Variants in ZNF423 observed in about 807,000 individuals in gnomAD.
ZNF423 encodes zinc finger protein 423, also known as Ebf-associated zinc finger protein.
A neutral mutation model predicts 95.8 loss-of-function variants in ZNF423; 12 were observed. That is an observed-to-expected ratio of 0.13 (90% CI 0.08 to 0.20). The LOEUF (loss-of-function observed/expected upper bound fraction) is 0.20, where lower values mean the gene tolerates loss of function less well. Ranked by LOEUF, ZNF423 falls within the 10% of genes least tolerant of loss-of-function variation. The pLI is 1.00. For synonymous variants in ZNF423, 749 were observed against 711.9 expected (o/e 1.05, Z -0.83); for missense variants, 1,316 against 1,737.1 (o/e 0.76, Z 4.31).
chr16:49,811,405 G>A (rs2034750671), intron 1 of ZNF423, among the ~76,000 whole-genome samples: 1 of 152,098 alleles, frequency 6.6e-6, no homozygotes, highest in Non-Finnish European at 1.5e-5. Context: ...GGGGGTGGAG[G>A]AGACAATGGC....
intron 7 of ZNF423, 113 bp downstream of exon 7, chr16:49,523,511 G>T: frequency 2.4e-6 from 2 of 846,902 alleles, no homozygotes; most frequent in Non-Finnish European, 1.9e-6. Context: ...GCCCCTGATT[G>T]CAGACCTGCC....
intron 2 of ZNF423, among the ~76,000 whole-genome samples, chr16:49,785,245 T>G (rs1322203180): frequency 6.6e-6 from 1 of 151,936 alleles, no homozygotes; most frequent in African/African-American, 2.4e-5. Flanking sequence ...CCCAGGGCTA[T>G]TTTGTTTTTA....
At chr16:49,678,043 C>T (rs2031192882) in intron 3 of ZNF423, among the ~76,000 whole-genome samples, 1 of 151,872 alleles carries the variant, frequency 6.6e-6, no homozygotes, top group South Asian at 2.1e-4. Flanking sequence ...ATTAGCTGGG[C>T]GTGGTGATGG....
intron 5 of ZNF423, among the ~76,000 whole-genome samples, chr16:49,574,078 G>A (rs1970427331): frequency 6.6e-6 from 1 of 152,200 alleles, no homozygotes; most frequent in Non-Finnish European, 1.5e-5. Context: ...ATCAGCTGGA[G>A]AGTCTTTTAA....
rs1246414034 is a variant in ZNF423, at chr16:49,731,298, C to T, written c.101-327G>A. On this transcript the variant is annotated intron_variant, in intron 2 of 7. Transcript: ENST00000563137. ...CTAAAAACCAGATTCAGTTACACACCTTTTTAAAGCCTCCATCAGCTGTTC... is the reference window on the plus strand; with the variant it reads ...CTAAAAACCAGATTCAGTTACACACTTTTTTAAAGCCTCCATCAGCTGTTC... 4 of 985,012 alleles carry T rather than the reference C, an allele frequency of 4.1e-6. No homozygotes were observed. The East Asian group carries it at 4.5e-4, about 112-fold the overall frequency. The allele number at this position is 985,012 out of a possible 1,614,324, so 61.0% of individuals were successfully genotyped here.
In ZNF423 at chr16:49,845,035, C is replaced by CAA. The variant is rs71138011; in HGVS notation, c.40+10698_40+10699dup. On this transcript the variant is annotated intron_variant, in intron 1 of 7. Transcript: ENST00000563137. ...GGGCATCAAGAGCGAAACTCCATCT[C>CAA]AAAAAAAAAAAAAAAAAAAAAAAAA... 1.8e-3 allele frequency among the ~76,000 whole-genome samples: 114 copies of CAA among 63,514 alleles called. 16 individuals are homozygous for CAA. Among genetic ancestry groups the CAA allele is most frequent in the African/African-American group, 6.2e-3 (78 of 12,616 alleles). 41.7% of individuals were successfully genotyped at this position (63,514 alleles called of 152,430 possible). A position where few individuals can be genotyped will look rare whatever the true frequency, so the allele number is the denominator to read the frequency against.
At position 49,854,169 on chromosome 16, in the gene ZNF423, T is replaced by C. The variant is rs574242817; in HGVS notation, c.40+1566A>G. ...AACACCCTCTGAACCCCCAGTTCTG[T>C]GGAGCAGGCCAGGCTGTCCCGGATT... On this transcript the variant is annotated intron_variant, in intron 1 of 7. Coordinates refer to ENST00000563137, the MANE Select transcript of ZNF423 (RefSeq NM_001379286.1). The C allele has an allele frequency of 2.4e-5, 24 of 985,330 alleles. No homozygotes were observed. In the African/African-American group the frequency reaches 3.7e-4, roughly 15 times the overall value. The allele number at this position is 985,330 out of a possible 1,614,324, so 61.0% of individuals were successfully genotyped here.
At chr16:49,745,592 T>A (rs58541469) in intron 2 of ZNF423, among the ~76,000 whole-genome samples, 1 of 152,202 alleles carries the variant, frequency 6.6e-6, no homozygotes, top group East Asian at 1.9e-4. Context: ...TGTGAAGACA[T>A]TTTTGAGGCG....
intron 1 of ZNF423, among the ~76,000 whole-genome samples, chr16:49,845,397 G>A (rs973178133): frequency 3.3e-5 from 5 of 151,478 alleles, no homozygotes; most frequent in East Asian, 1.9e-4. Flanking sequence ...GAGCCACTGC[G>A]CCCAGCAATT....
At chr16:49,502,042 G>A (rs956345353) in intron 7 of ZNF423, among the ~76,000 whole-genome samples, 2 of 152,138 alleles carry the variant, frequency 1.3e-5, no homozygotes, top group Non-Finnish European at 2.9e-5. Flanking sequence ...AAAAGTTGGG[G>A]GAAAACGGAA....
intron 5 of ZNF423, among the ~76,000 whole-genome samples, chr16:49,594,012 G>C (rs1384498249): frequency 1.3e-5 from 2 of 152,052 alleles, no homozygotes; most frequent in African/African-American, 4.8e-5. Context: ...TAGATTACTG[G>C]GGATGGACCA....
chr16:49,689,673 C>T (rs1415326633), intron 3 of ZNF423, among the ~76,000 whole-genome samples: 1 of 152,126 alleles, frequency 6.6e-6, no homozygotes, highest in Non-Finnish European at 1.5e-5. Flanking sequence ...CAAGCAATCC[C>T]GTGTGGCACC....
chr16:49,756,592 C>T (rs2033731261), intron 2 of ZNF423, among the ~76,000 whole-genome samples: 1 of 152,274 alleles, frequency 6.6e-6, no homozygotes, highest in East Asian at 1.9e-4. Context: ...ATGCGTGTCT[C>T]GAAAGGTCCC....
At chr16:49,652,720 C>T (rs1973455944) in intron 3 of ZNF423, among the ~76,000 whole-genome samples, 1 of 152,158 alleles carries the variant, frequency 6.6e-6, no homozygotes, top group African/African-American at 2.4e-5. Flanking sequence ...TTCTTGACTC[C>T]CTTTGGAGAT....
At chr16:49,543,171 C>G (rs1028573568) in intron 5 of ZNF423, among the ~76,000 whole-genome samples, 1 of 152,182 alleles carries the variant, frequency 6.6e-6, no homozygotes, top group African/African-American at 2.4e-5. Flanking sequence ...AAATCACCCC[C>G]TCAGCTGATA....
intron 7 of ZNF423, among the ~76,000 whole-genome samples, chr16:49,516,339 G>A (rs1008024653): frequency 5.9e-5 from 9 of 152,238 alleles, no homozygotes; most frequent in African/African-American, 2.2e-4. Context: ...AAACTCCAAG[G>A]AGAGGGAATC....
chr16:49,674,352 C>T (rs1405116639), intron 3 of ZNF423, among the ~76,000 whole-genome samples: 2 of 152,150 alleles, frequency 1.3e-5, no homozygotes, highest in African/African-American at 4.8e-5. Flanking sequence ...GCAGAGCACG[C>T]AGTGTGTTCT....
In ZNF423 at chr16:49,639,935, G is replaced by A. The variant is rs76839839; in HGVS notation, c.302-1061C>T. On this transcript the variant is annotated intron_variant, in intron 3 of 7. Coordinates refer to ENST00000563137, the MANE Select transcript of ZNF423 (RefSeq NM_001379286.1). ...CTAGAGACATTCCCCGGCGGGGGCC[G>A]AGCAGAGCCAGCCCGGGCAGGGAGT... 0.01 allele frequency among the ~76,000 whole-genome samples: 1,578 copies of A among 152,300 alleles called. 88 individuals carry two copies. The South Asian group carries it at 0.14, about 13-fold the overall frequency.
chr16:49,728,507 C>T (rs2033084410), intron 3 of ZNF423, among the ~76,000 whole-genome samples: 1 of 152,108 alleles, frequency 6.6e-6, no homozygotes. Flanking sequence ...GTGGATACCA[C>T]CAGCATCAAT....
Sources: allele counts gnomAD v4.1 joint callset (sites outside exome capture counted in the v4.1 genomes callset), GRCh38; gene constraint gnomAD v4.1.1; transcripts MANE v1.5; gene names NCBI Gene and HGNC (gene_info 2026-07-23, HGNC 2026-07-21).